The following SPEF2 variants were observed in gnomAD, a reference collection of about 807,000 sequenced individuals.
SPEF2 encodes sperm flagellar and cilia associated 2, also known as sperm flagella and cilia-associated protein 2.
Under a neutral mutation model 224.6 loss-of-function variants are expected in SPEF2, and 187 were observed. That is an observed-to-expected ratio of 0.83 (90% CI 0.74 to 0.94). The LOEUF (loss-of-function observed/expected upper bound fraction) is 0.94. Ranked by LOEUF, SPEF2 falls within the 40% of genes least tolerant of loss-of-function variation. The pLI is 0.00. For missense variants in SPEF2, 2,170 were observed against 2,135.6 expected (o/e 1.02, Z -0.32); for synonymous variants, 715 against 707.3 (o/e 1.01, Z -0.17).
intron 16 of SPEF2, chr5:35,702,143 C>T (rs1174627102): frequency 2.2e-6 from 1 of 455,754 alleles, no homozygotes; most frequent in Non-Finnish European, 4.4e-6. Context: ...TCATCCAATC[C>T]CCCTTCCAGA....
chr5:35,690,385 G>C (rs1029451303), intron 10 of SPEF2, among the ~76,000 whole-genome samples: 96 of 152,064 alleles, frequency 6.3e-4, no homozygotes, highest in South Asian at 2.1e-4. Flanking sequence ...TAATAAATCT[G>C]TTGTTTTAAT....
At chr5:35,773,275 G>A (rs1278342929) in intron 27 of SPEF2, among the ~76,000 whole-genome samples, 5 of 152,124 alleles carry the variant, frequency 3.3e-5, no homozygotes, top group Admixed American at 3.3e-4. Flanking sequence ...AGCTACTAGG[G>A]AGGCTGAGGT....
At chr5:35,700,347 A>C (rs1045910076) in intron 15 of SPEF2, 149 bp from the exon 16 acceptor site, 6 of 710,952 alleles carry the variant, frequency 8.4e-6, no homozygotes, top group Non-Finnish European at 1.4e-5. Flanking sequence ...GTGGCACATC[A>C]GTAAACCTAA....
chr5:35,774,763 A>C (rs1399692441), intron 28 of SPEF2, among the ~76,000 whole-genome samples: 1 of 152,174 alleles, frequency 6.6e-6, no homozygotes, highest in Non-Finnish European at 1.5e-5. Flanking sequence ...TTAACTACTA[A>C]GTATGATTTC....
At chr5:35,689,550 G>A (rs1490100497) in intron 10 of SPEF2, among the ~76,000 whole-genome samples, 1 of 151,956 alleles carries the variant, frequency 6.6e-6, no homozygotes, top group Non-Finnish European at 1.5e-5. Flanking sequence ...TGTTCTCATC[G>A]TTATGTCCAT....
intron 2 of SPEF2, among the ~76,000 whole-genome samples, chr5:35,640,892 A>T (rs1012159101): frequency 6.6e-6 from 1 of 152,108 alleles, no homozygotes; most frequent in Non-Finnish European, 1.5e-5. Flanking sequence ...AATCACTCTT[A>T]TATTTCCTGA....
At chr5:35,779,402 A>T in intron 30 of SPEF2, 56 bp downstream of exon 30, 2 of 1,353,234 alleles carry the variant, frequency 1.5e-6, no homozygotes, top group Non-Finnish European at 2.0e-6. Context: ...ATTAACCAGG[A>T]CAGAAATCAC....
chr5:35,814,190 G>T (rs1758699160), intron 36 of SPEF2, among the ~76,000 whole-genome samples: 1 of 152,106 alleles, frequency 6.6e-6, no homozygotes, highest in Admixed American at 6.6e-5. Flanking sequence ...CTGTGTAACT[G>T]CTTTTACAAA....
chr5:35,682,107 A>G (rs963554852), intron 10 of SPEF2, among the ~76,000 whole-genome samples: 5 of 152,158 alleles, frequency 3.3e-5, no homozygotes, highest in Non-Finnish European at 5.9e-5. Flanking sequence ...AAGCCAGCCA[A>G]GCACACCTGC....
chr5:35,717,829 C>T (rs958390434), intron 20 of SPEF2, among the ~76,000 whole-genome samples: 1 of 152,298 alleles, frequency 6.6e-6, no homozygotes, highest in Admixed American at 6.5e-5. Flanking sequence ...ATTACCCTCT[C>T]TAAAGAAGTA....
chr5:35,728,194 A>G (rs1745006083), intron 21 of SPEF2, among the ~76,000 whole-genome samples: 2 of 152,174 alleles, frequency 1.3e-5, no homozygotes, highest in Admixed American at 6.5e-5. Flanking sequence ...AATGCTTTTA[A>G]GTGAAGTTTA....
intron 1 of SPEF2, among the ~76,000 whole-genome samples, chr5:35,625,284 A>G (rs944611663): frequency 1.3e-5 from 2 of 152,218 alleles, no homozygotes; most frequent in African/African-American, 4.8e-5. Context: ...TATTTTATCC[A>G]TATCATAATT....
At chr5:35,764,569 T>C (rs776647619) in intron 26 of SPEF2, 24 of 456,050 alleles carry the variant, frequency 5.3e-5, no homozygotes, top group Non-Finnish European at 8.8e-6. Flanking sequence ...ATGTCTTCTC[T>C]TTTCACAACA....
intron 17 of SPEF2, 68 bp downstream of exon 17, chr5:35,704,730 A>T: frequency 1.1e-6 from 1 of 917,086 alleles, no homozygotes; most frequent in Non-Finnish European, 1.8e-6. Context: ...ACAACTTTGG[A>T]ATCATCAGAT....
chr5:35,692,176 C>T (rs1472215481), intron 11 of SPEF2, among the ~76,000 whole-genome samples: 5 of 152,086 alleles, frequency 3.3e-5, no homozygotes, highest in South Asian at 4.2e-4. Context: ...TTTGGAAGGC[C>T]GAGACGGGTG....
chr5:35,748,932 T>C (rs1246231070), intron 23 of SPEF2, among the ~76,000 whole-genome samples: 4 of 152,022 alleles, frequency 2.6e-5, no homozygotes, highest in Admixed American at 2.6e-4. Flanking sequence ...CTAAAATCCT[T>C]AACAAAATAG....
chr5:35,636,958 A>G (rs919719057), intron 2 of SPEF2, among the ~76,000 whole-genome samples: 45 of 150,220 alleles, frequency 3.0e-4, no homozygotes, highest in African/African-American at 1.0e-3. Flanking sequence ...CCTGGGTGAC[A>G]GAGTGAGACT....
intron 10 of SPEF2, chr5:35,678,640 C>T (rs1752355720): frequency 6.6e-6 from 1 of 152,266 alleles, no homozygotes; most frequent in African/African-American, 2.4e-5. Flanking sequence ...AGGATCAATT[C>T]ATCTTCCAAA....
intron 17 of SPEF2, 138 bp downstream of exon 17, chr5:35,704,800 T>A (rs1739405696): frequency 3.2e-6 from 2 of 623,278 alleles, no homozygotes; most frequent in Non-Finnish European, 5.7e-6. Context: ...GACTAAGTAG[T>A]TTTGACAATA....
Sources: gnomAD v4.1 joint callset for allele counts (sites outside exome capture counted in the v4.1 genomes callset) on GRCh38, gnomAD v4.1.1 for gene constraint, MANE v1.5 for transcripts, NCBI Gene and HGNC (gene_info 2026-07-23, HGNC 2026-07-21) for gene names.